SEPHS1: variants seen among roughly 807,000 people sequenced by gnomAD.
SEPHS1 encodes selenophosphate synthetase 1.
SEPHS1 carries 7 observed loss-of-function variants against 39.2 expected under a neutral mutation model. The observed-to-expected ratio is 0.18, with a 90% CI of 0.10 to 0.34. The LOEUF (loss-of-function observed/expected upper bound fraction) is 0.34. SEPHS1 is among the 10% of genes least tolerant of loss of function. The pLI is 1.00. For missense variants in SEPHS1, 253 were observed against 514.5 expected (o/e 0.49, Z 4.92); for synonymous variants, 190 against 195.5 (o/e 0.97, Z 0.23).
At position 13,335,291 on chromosome 10, in the gene SEPHS1, C is replaced by G. The variant is rs530984657; in HGVS notation, c.405+952G>C. 3.3e-5 allele frequency among the ~76,000 whole-genome samples: 5 copies of G among 152,356 alleles called. No homozygotes were observed. The East Asian group carries it at 9.6e-4, about 29-fold the overall frequency. ...CCAGCCACAGCAGAGGGAGTGCCCT[C>G]TAAGTGCCACGTGTCCCACATCTGT... On this transcript the variant is annotated intron_variant, in intron 4 of 8. Transcript: ENST00000327347.
intron 7 of SEPHS1, among the ~76,000 whole-genome samples, chr10:13,324,616 T>C (rs980360856): frequency 1.3e-5 from 2 of 152,208 alleles, no homozygotes; most frequent in African/African-American, 4.8e-5. Context: ...ATCAGTGTTT[T>C]TGGGTTTTTT....
At chr10:13,341,928 T>C (rs1833796450) in intron 2 of SEPHS1, among the ~76,000 whole-genome samples, 1 of 147,800 alleles carries the variant, frequency 6.8e-6, no homozygotes, top group Non-Finnish European at 1.5e-5. Flanking sequence ...TGAGCTGAGA[T>C]TGCACCACTG....
chr10:13,335,464 G>A (rs971489842), intron 4 of SEPHS1, among the ~76,000 whole-genome samples: 1 of 149,930 alleles, frequency 6.7e-6, no homozygotes, highest in Non-Finnish European at 1.5e-5. Context: ...AGGAGTTCGA[G>A]ACCAGCCTGA....
intron 4 of SEPHS1, 132 bp from the exon 5 acceptor site, chr10:13,334,103 G>A: frequency 1.2e-6 from 1 of 822,010 alleles, no homozygotes; most frequent in South Asian, 1.9e-5. Context: ...TACAGACAGG[G>A]AAGGTTGTTA....
intron 4 of SEPHS1, among the ~76,000 whole-genome samples, chr10:13,335,269 G>C (rs927206156): frequency 6.6e-6 from 1 of 152,206 alleles, no homozygotes; most frequent in Non-Finnish European, 1.5e-5. Context: ...GACATCCCCA[G>C]CCACAGCAGA....
At chr10:13,334,727 A>G (rs1833575440) in intron 4 of SEPHS1, among the ~76,000 whole-genome samples, 1 of 152,192 alleles carries the variant, frequency 6.6e-6, no homozygotes, top group Admixed American at 6.5e-5. Flanking sequence ...ACAAACAAAA[A>G]CAAAAGCTAG....
chr10:13,337,730 G>A lies in SEPHS1; in HGVS notation c.297+975C>T, dbSNP rs138911293. Among the ~76,000 whole-genome samples the A allele has an allele frequency of 5.5e-3, 833 of 152,298 alleles. 7 individuals carry two copies. Among genetic ancestry groups the A allele is most frequent in the African/African-American group, 0.019 (784 of 41,562 alleles). ...AGATGCTGGAAAACAATGGACTGTG[G>A]TTTTAGCCATCCCTGCCACCTGGTC... On this transcript the variant is annotated intron_variant, in intron 3 of 8. Transcript: ENST00000327347.
At chr10:13,325,279 TTG>T (rs1205469356) in intron 7 of SEPHS1, among the ~76,000 whole-genome samples, 1 of 152,190 alleles carries the variant, frequency 6.6e-6, no homozygotes, top group Non-Finnish European at 1.5e-5. Flanking sequence ...TTTTATATTG[TTG>T]TGTTTTATTT....
In SEPHS1 at chr10:13,329,735, G is replaced by C; in HGVS notation, c.614C>G (p.Thr205Arg). 6.2e-7 allele frequency: 1 copy of C among 1,609,310 alleles called. No individual in the cohort carries two copies. Among genetic ancestry groups the C allele is most frequent in the Non-Finnish European group, 8.5e-7 (1 of 1,178,256 alleles). ...CTGGTGCACAGCCACTGCCACCTGT[G>C]TCCCCAGGGGTTTTGTCAGCACCAG... Reference protein sequence around the residue: ...DVLVLTKPLGTQVAVAVHQWL... With the variant: ...DVLVLTKPLGRQVAVAVHQWL... Residue 205 changes from threonine (T) to arginine (R), a missense_variant, in exon 6 of 9, where the codon ACA becomes AGA. Transcript: ENST00000327347.
At chr10:13,346,101 C>G (rs183464170) in intron 1 of SEPHS1, among the ~76,000 whole-genome samples, 2 of 152,318 alleles carry the variant, frequency 1.3e-5, no homozygotes, top group Admixed American at 1.3e-4. Context: ...TGCTACTCCT[C>G]ATTAACATTT....
chr10:13,344,251 G>A (rs1833869545), intron 2 of SEPHS1, among the ~76,000 whole-genome samples: 1 of 152,158 alleles, frequency 6.6e-6, no homozygotes, highest in Admixed American at 6.5e-5. Context: ...GGGCAATGAA[G>A]GGAATGTGAG....
chr10:13,332,268 C>T (rs922305298), intron 5 of SEPHS1, among the ~76,000 whole-genome samples: 1 of 152,338 alleles, frequency 6.6e-6, no homozygotes, highest in Middle Eastern at 3.4e-3. Flanking sequence ...TGAAGCCAGA[C>T]ACAGCATGTC....
chr10:13,327,892 C>T (rs576775183), intron 7 of SEPHS1, among the ~76,000 whole-genome samples: 3 of 152,246 alleles, frequency 2.0e-5, no homozygotes, highest in South Asian at 4.1e-4. Context: ...CTTAAGAACA[C>T]AAGGGCTGTG....
At chr10:13,328,719 C>A (rs991115182) in intron 6 of SEPHS1, among the ~76,000 whole-genome samples, 1 of 152,154 alleles carries the variant, frequency 6.6e-6, no homozygotes, top group Non-Finnish European at 1.5e-5. Context: ...GCGGGACACA[C>A]GGCGGCACTG....
chr10:13,345,114 A>C, intron 1 of SEPHS1, 86 bp from the exon 2 acceptor site: 1 of 543,192 alleles, frequency 1.8e-6, no homozygotes, highest in South Asian at 4.7e-5. Context: ...TGACAGCGAA[A>C]AGTCAATGTG....
intron 4 of SEPHS1, 51 bp from the exon 5 acceptor site, chr10:13,334,022 C>T (rs762809207): frequency 6.6e-7 from 1 of 1,511,608 alleles, no homozygotes; most frequent in Non-Finnish European, 9.0e-7. Flanking sequence ...TGTTCAAAAC[C>T]CAGAAAAGAA....
intron 4 of SEPHS1, among the ~76,000 whole-genome samples, chr10:13,334,843 C>A (rs1379111020): frequency 1.3e-5 from 2 of 152,246 alleles, no homozygotes; most frequent in Non-Finnish European, 2.9e-5. Context: ...GTGCACAGGA[C>A]CAGCCCTAGG....
At chr10:13,328,936 T>C (rs72783311) in intron 6 of SEPHS1, among the ~76,000 whole-genome samples, 4 of 152,324 alleles carry the variant, frequency 2.6e-5, no homozygotes, top group African/African-American at 4.8e-5. Flanking sequence ...CGTGGCAGCC[T>C]TAGAGAATTT....
chr10:13,321,544 T>C (rs922401467), intron 8 of SEPHS1, among the ~76,000 whole-genome samples: 3 of 152,126 alleles, frequency 2.0e-5, no homozygotes, highest in African/African-American at 7.2e-5. Context: ...TGTGTATATT[T>C]AAAATCCTAA....
Sources: gnomAD v4.1 joint callset for allele counts (sites outside exome capture counted in the v4.1 genomes callset) on GRCh38, gnomAD v4.1.1 for gene constraint, MANE v1.5 for transcripts, NCBI Gene and HGNC (gene_info 2026-07-23, HGNC 2026-07-21) for gene names.